CA8: variants seen among roughly 807,000 people sequenced by gnomAD.
CA8 encodes carbonic anhydrase-related protein.
Under a neutral mutation model 41.4 loss-of-function variants are expected in CA8, and 22 were observed. The observed-to-expected ratio is 0.53, with a 90% CI of 0.38 to 0.76. The LOEUF (loss-of-function observed/expected upper bound fraction) is 0.76. Among genes scored for constraint, CA8 ranks in the 30% least tolerant of loss-of-function variants. CA8 has a pLI of 0.00. For missense variants in CA8, 270 were observed against 352.8 expected (o/e 0.77, Z 1.88); for synonymous variants, 121 against 130.6 (o/e 0.93, Z 0.50).
At chr8:60,264,545 G>A (rs1001481007) in intron 3 of CA8, among the ~76,000 whole-genome samples, 3 of 152,184 alleles carry the variant, frequency 2.0e-5, no homozygotes, top group Non-Finnish European at 4.4e-5. Context: ...AGGAGAGAGA[G>A]GTGACACAGA....
At position 60,265,506 on chromosome 8, in the gene CA8, G is replaced by A. The variant is rs535432094; in HGVS notation, c.417+419C>T. 1.2e-4 allele frequency: 21 copies of A among 176,532 alleles called. No individual in the cohort carries two copies. The South Asian group carries it at 2.7e-3, about 23-fold the overall frequency. 10.9% of individuals were successfully genotyped at this position (176,532 alleles called of 1,614,324 possible). Reference sequence around the variant, plus strand: ...CTCCCTCCCTCCCCAAGTGGCTTGGGGTGAATAAAACCAACCCACCAATTT... The same window carrying A: ...CTCCCTCCCTCCCCAAGTGGCTTGGAGTGAATAAAACCAACCCACCAATTT... On this transcript the variant is annotated intron_variant, in intron 3 of 8. Transcript: ENST00000317995.
chr8:60,211,089 G>A (rs1042019200), intron 7 of CA8, among the ~76,000 whole-genome samples: 2 of 152,122 alleles, frequency 1.3e-5, no homozygotes, highest in Non-Finnish European at 2.9e-5. Context: ...AGACCCAAAA[G>A]ATCAAATGAC....
intron 7 of CA8, among the ~76,000 whole-genome samples, chr8:60,218,060 G>A (rs78922489): frequency 0.025 from 3,853 of 152,116 alleles, 159 homozygotes; most frequent in East Asian, 0.17. Flanking sequence ...CCCTCATGTC[G>A]CAGGCTCTCC....
intron 8 of CA8, among the ~76,000 whole-genome samples, chr8:60,193,778 T>C (rs1806201604): frequency 6.6e-6 from 1 of 152,216 alleles, no homozygotes; most frequent in South Asian, 2.1e-4. Flanking sequence ...TGAGTGTGTT[T>C]TGATCTACTG....
In CA8 at chr8:60,265,969, G is replaced by A. The variant is rs906750876; in HGVS notation, c.373C>T (p.Arg125Cys). The A allele has an allele frequency of 2.5e-6, 4 of 1,613,898 alleles. No individual in the cohort carries two copies. The highest frequency in any genetic ancestry group is 1.6e-4 in the Middle Eastern group (1 of 6,062). ...AAATTAACCGTGTGCTCAGAACCAC[G>A]CTGGTTTTCTCTTCCCCAGTGAAAT... is the stretch of plus-strand genomic sequence containing the variant. ...VRFHWGRENQ[R>C]GSEHTVNFKA... The change falls in exon 3 of 9, where the codon CGT becomes TGT. Residue 125 changes from arginine (R) to cysteine (C), a missense_variant. Around this residue, in one of 3 missense-constraint regions of CA8, gnomAD observed 6 missense variants for 24.5 expected, o/e 0.24. Transcript: ENST00000317995.
In CA8 at chr8:60,279,699, C is replaced by T. The variant is rs144915033; in HGVS notation, c.282G>A (p.Lys94=). The change falls in exon 2 of 9, where the codon AAG becomes AAA. Residue 94 remains lysine (K), a synonymous_variant. Transcript: ENST00000317995. ...TATTTTCTAAAATACCTGATTTTGA[C>T]TTCAGGATAACCTGAATGGTATGTC... ...NDGHTIQVIL[K]SKSVLSGGPL... 4.3e-6 allele frequency: 7 copies of T among 1,613,470 alleles called. No individual in the cohort carries two copies. The African/African-American group carries it at 9.3e-5, about 22-fold the overall frequency.
chr8:60,246,681 T>C (rs572847617), intron 3 of CA8, among the ~76,000 whole-genome samples: 1 of 152,122 alleles, frequency 6.6e-6, no homozygotes, highest in South Asian at 2.1e-4. Flanking sequence ...CCCTTAAAAA[T>C]GCCAAGGACT....
intron 5 of CA8, 32 bp downstream of exon 5, chr8:60,226,841 G>A (rs762420889): frequency 1.1e-4 from 145 of 1,325,570 alleles, no homozygotes; most frequent in Non-Finnish European, 1.5e-4. Flanking sequence ...TACACAACCA[G>A]TATTTCTATA....
At chr8:60,232,419 G>T in intron 3 of CA8, 40 bp from the exon 4 acceptor site, 1 of 1,315,212 alleles carries the variant, frequency 7.6e-7, no homozygotes, top group Non-Finnish European at 1.1e-6. Flanking sequence ...CATTTAATGT[G>T]CTACTTCTAA....
intron 7 of CA8, among the ~76,000 whole-genome samples, chr8:60,219,165 T>G (rs1807142111): frequency 2.8e-5 from 1 of 36,246 alleles, no homozygotes; most frequent in Non-Finnish European, 8.5e-5. Flanking sequence ...TTATTCTGCC[T>G]TTTTTTTTTT....
rs1304744998 is a variant in CA8, at chr8:60,188,822, C to T, written c.*1199G>A. ...GTGTGATTTTCATTTGTATTTAATG[C>T]TTCCATTATTACCGTCTCTACTCAA... On this transcript the variant is annotated 3_prime_UTR_variant, in exon 9 of 9. Coordinates refer to ENST00000317995, the MANE Select transcript of CA8 (RefSeq NM_004056.6). The T allele has an allele frequency of 6.6e-6, 1 of 152,120 alleles. No homozygotes were observed. The highest frequency in any genetic ancestry group is 1.5e-5 in the Non-Finnish European group (1 of 68,030). The allele number at this position is 152,120 out of a possible 1,614,324, so 9.4% of individuals were successfully genotyped here.
In CA8 at chr8:60,279,845, C is replaced by T; in HGVS notation, c.136G>A (p.Gly46Arg). 1 of 1,613,582 alleles carries T rather than the reference C, an allele frequency of 6.2e-7. No individual in the cohort carries two copies. Among genetic ancestry groups the T allele is most frequent in the Non-Finnish European group, 8.5e-7 (1 of 1,179,814 alleles). Residue 46 changes from glycine (G) to arginine (R), a missense_variant, in exon 2 of 9, where the codon GGG becomes AGG. Physicochemically the swap from Gly to Arg is moderately radical, Grantham distance 125. Coordinates refer to ENST00000317995, the MANE Select transcript of CA8 (RefSeq NM_004056.6). ...AGGTTAATAGGAGACTGGTATTCCCCATTAGCATCAGGAAACACCAGACCC... is the reference window on the plus strand; with the variant it reads ...AGGTTAATAGGAGACTGGTATTCCCTATTAGCATCAGGAAACACCAGACCC... ...EWGLVFPDANGEYQSPINLNS... is the reference protein window; with the variant it reads ...EWGLVFPDANREYQSPINLNS...
At chr8:60,223,963 T>C (rs906428703) in intron 6 of CA8, among the ~76,000 whole-genome samples, 3 of 152,214 alleles carry the variant, frequency 2.0e-5, no homozygotes, top group Non-Finnish European at 2.9e-5. Context: ...GAATAATACA[T>C]AATAATAGTA....
intron 3 of CA8, among the ~76,000 whole-genome samples, chr8:60,251,447 C>T (rs917714872): frequency 1.3e-5 from 2 of 152,236 alleles, no homozygotes; most frequent in Admixed American, 6.5e-5. Context: ...AAAACCTCAA[C>T]CACTCACGCA....
At chr8:60,242,857 G>A (rs181993082) in intron 3 of CA8, among the ~76,000 whole-genome samples, 1 of 152,302 alleles carries the variant, frequency 6.6e-6, no homozygotes, top group East Asian at 1.9e-4. Context: ...AAGGTCTAGC[G>A]CCCCACTTTA....
At chr8:60,247,073 CGG>C in intron 3 of CA8, among the ~76,000 whole-genome samples, 1 of 151,806 alleles carries the variant, frequency 6.6e-6, no homozygotes, top group South Asian at 2.1e-4. Flanking sequence ...TTAGTAGAGA[CGG>C]GGTTTCACGG....
chr8:60,258,619 G>T (rs1169936344), intron 3 of CA8, among the ~76,000 whole-genome samples: 2 of 152,098 alleles, frequency 1.3e-5, no homozygotes, highest in Non-Finnish European at 2.9e-5. Context: ...AATATATAAG[G>T]AAATAATTAT....
At chr8:60,191,470 A>T (rs1806126648) in intron 8 of CA8, among the ~76,000 whole-genome samples, 2 of 152,126 alleles carry the variant, frequency 1.3e-5, no homozygotes, top group African/African-American at 4.8e-5. Context: ...CTGGTTGAAA[A>T]AACGAATCCA....
chr8:60,281,030 C>A lies in CA8; in HGVS notation c.100+18G>T, dbSNP rs994117516. On this transcript the variant is annotated intron_variant, in intron 1 of 8. Transcript: ENST00000317995. ...CGCCGCCGCGGGACCCCGGACACCC[C>A]GACTCGCGGCCACTTACCTTCCTCG... The A allele has an allele frequency of 6.3e-7, 1 of 1,585,500 alleles. No individual in the cohort carries two copies. Among genetic ancestry groups the A allele is most frequent in the Non-Finnish European group, 8.6e-7 (1 of 1,157,170 alleles).
Sources: allele counts gnomAD v4.1 joint callset (sites outside exome capture counted in the v4.1 genomes callset), GRCh38; gene constraint gnomAD v4.1.1; regional missense constraint gnomAD v4.1.1; transcripts MANE v1.5; gene names NCBI Gene and HGNC (gene_info 2026-07-23, HGNC 2026-07-21).